VCF2: variants seen among roughly 807,000 people sequenced by gnomAD.
The protein encoded by VCF2 is protein VCF2.
chrX:55,153,890 A>C, the VCF2 span, among the ~76,000 whole-genome samples: 2 of 111,547 alleles, frequency 1.8e-5, no homozygotes, highest in Non-Finnish European at 3.8e-5. Flanking sequence ...AGCATCTACA[A>C]AGTCATATAC....
the VCF2 span, among the ~76,000 whole-genome samples, chrX:55,151,329 G>C: frequency 1.8e-5 from 2 of 112,277 alleles, no homozygotes; most frequent in Non-Finnish European, 3.8e-5. Flanking sequence ...TGTCTACACA[G>C]TACATGTACA....
At chrX:55,161,128 C>A in the VCF2 span, 6 of 1,208,780 alleles carry the variant, frequency 5.0e-6, no homozygotes, top group Non-Finnish European at 5.6e-6. Context: ...AAGGCCCCGA[C>A]GAACTTACCG....
chrX:55,151,640 T>C, the VCF2 span, among the ~76,000 whole-genome samples: 1 of 112,106 alleles, frequency 8.9e-6, no homozygotes, highest in Non-Finnish European at 1.9e-5. Flanking sequence ...CTATGATTTG[T>C]CTTTAGTGAA....
the VCF2 span, among the ~76,000 whole-genome samples, chrX:55,158,877 A>G: frequency 3.6e-5 from 4 of 111,568 alleles, no homozygotes; most frequent in African/African-American, 1.3e-4. Context: ...CCCTGCTCAT[A>G]TGAGGGGACA....
At chrX:55,148,255 T>G in the VCF2 span, among the ~76,000 whole-genome samples, 2 of 110,678 alleles carry the variant, frequency 1.8e-5, no homozygotes, top group Non-Finnish European at 3.8e-5. Context: ...AAAGTTATAT[T>G]AAGTTAAATA....
chrX:55,154,694 TTC>T, the VCF2 span, among the ~76,000 whole-genome samples: 1 of 112,341 alleles, frequency 8.9e-6, no homozygotes, highest in Admixed American at 9.4e-5. Flanking sequence ...CTATAATACA[TTC>T]TGTTTCAGAA....
At chrX:55,145,878 G>GT in the VCF2 span, 1 of 966,331 alleles carries the variant, frequency 1.0e-6, no homozygotes, top group Non-Finnish European at 1.3e-6. Flanking sequence ...TGTAGAAAGA[G>GT]TAAAATAAAA....
chrX:55,159,243 TAAAG>T, the VCF2 span: 5 of 1,165,972 alleles, frequency 4.3e-6, no homozygotes, highest in Non-Finnish European at 5.8e-6. Flanking sequence ...AAATAAATTG[TAAAG>T]AGAGAGTTGT....
the VCF2 span, among the ~76,000 whole-genome samples, chrX:55,152,093 G>A: frequency 4.7e-5 from 5 of 107,367 alleles, no homozygotes; most frequent in Non-Finnish European, 7.7e-5. Context: ...GGGTTTCACC[G>A]TTTTAGCCGG....
chrX:55,156,044 C>T, the VCF2 span, among the ~76,000 whole-genome samples: 17 of 106,744 alleles, frequency 1.6e-4, no homozygotes, highest in East Asian at 1.5e-3. Flanking sequence ...CTCCGCCTCC[C>T]GGGTTCAAGC....
chrX:55,143,818 T>C, the VCF2 span: 1 of 1,208,426 alleles, frequency 8.3e-7, no homozygotes, highest in Admixed American at 2.2e-5. Flanking sequence ...AAGTATTGAG[T>C]TTTATTTCAG....
At chrX:55,159,117 C>A in the VCF2 span, 1 of 1,172,169 alleles carries the variant, frequency 8.5e-7, no homozygotes, top group Non-Finnish European at 1.2e-6. Flanking sequence ...GCAATCTGAC[C>A]ATACTTGCTA....
At chrX:55,143,730 T>C in the VCF2 span, 2 of 1,010,057 alleles carry the variant, frequency 2.0e-6, no homozygotes, top group Non-Finnish European at 2.8e-6. Context: ...TCTACTTTCT[T>C]CTGATATTCC....
chrX:55,144,774 T>C, the VCF2 span, among the ~76,000 whole-genome samples: 1 of 112,853 alleles, frequency 8.9e-6, no homozygotes, highest in East Asian at 2.8e-4. Flanking sequence ...AGTTCTCAGA[T>C]CTGCTAGTTT....
the VCF2 span, among the ~76,000 whole-genome samples, chrX:55,144,245 G>C: frequency 9.0e-6 from 1 of 111,277 alleles, no homozygotes; most frequent in Non-Finnish European, 1.9e-5. Flanking sequence ...GAATCCTGTT[G>C]TGTACATGTG....
the VCF2 span, among the ~76,000 whole-genome samples, chrX:55,150,319 T>C: frequency 9.0e-6 from 1 of 111,729 alleles, no homozygotes. Flanking sequence ...AGGGATGGTT[T>C]CAGGATGAAA....
chrX:55,159,942 A>G, the VCF2 span, among the ~76,000 whole-genome samples: 1 of 112,038 alleles, frequency 8.9e-6, no homozygotes, highest in Admixed American at 9.5e-5. Context: ...TTAGAGACTT[A>G]CTTTTGAGTT....
chrX:55,146,123 G>T, the VCF2 span: 8 of 1,211,296 alleles, frequency 6.6e-6, no homozygotes, highest in Non-Finnish European at 7.8e-6. Context: ...GGCTGTTGAA[G>T]TGAGCCTCCT....
the VCF2 span, among the ~76,000 whole-genome samples, chrX:55,156,312 C>T: frequency 7.2e-5 from 8 of 111,764 alleles, no homozygotes; most frequent in South Asian, 3.7e-4. Context: ...CCATGCCTTA[C>T]AGCTTTTCCT....
Sources: allele counts gnomAD v4.1 joint callset (sites outside exome capture counted in the v4.1 genomes callset), GRCh38; gene constraint gnomAD v4.1.1; transcripts MANE v1.5; gene names NCBI Gene and HGNC (gene_info 2026-07-23, HGNC 2026-07-21).